PRKCE: variants seen among roughly 807,000 people sequenced by gnomAD.
PRKCE encodes protein kinase C epsilon, also known as protein kinase C epsilon type.
In PRKCE, 16 loss-of-function variants were observed where a neutral mutation model predicts 85.4. That is an observed-to-expected ratio of 0.19 (90% CI 0.13 to 0.28). The LOEUF (loss-of-function observed/expected upper bound fraction) is 0.28. Ranked by LOEUF, PRKCE falls within the 10% of genes least tolerant of loss-of-function variation. The pLI is 1.00. For missense variants in PRKCE, 573 were observed against 975.2 expected, an observed-to-expected ratio of 0.59 and a Z score of 5.49; for synonymous variants, 388 against 371.5, an observed-to-expected ratio of 1.04 and a Z score of -0.51.
At chr2:45,977,579 G>A (rs1292367145) in intron 3 of PRKCE, among the ~76,000 whole-genome samples, 1 of 151,762 alleles carries the variant, frequency 6.6e-6, no homozygotes, top group African/African-American at 2.4e-5. Flanking sequence ...GGAGGCTGCA[G>A]TGAGCCGAGA....
chr2:45,834,049 C>T (rs1474992120), intron 1 of PRKCE, among the ~76,000 whole-genome samples: 2 of 152,240 alleles, frequency 1.3e-5, no homozygotes. Flanking sequence ...TTAGCTACCT[C>T]TGTCATCAGA....
At chr2:45,779,694 CAGA>C (rs1179653980) in intron 1 of PRKCE, among the ~76,000 whole-genome samples, 2 of 151,416 alleles carry the variant, frequency 1.3e-5, no homozygotes, top group Non-Finnish European at 2.9e-5. Context: ...TACATGCTTT[CAGA>C]AGATTTTCTT....
In PRKCE at chr2:46,187,503, C is replaced by T. The variant is rs766553562; in HGVS notation, c.*2622C>T. 3.3e-5 allele frequency: 5 copies of T among 152,348 alleles called. No homozygotes were observed. The highest frequency in any genetic ancestry group is 5.9e-5 in the Non-Finnish European group (4 of 68,016). 9.4% of individuals were successfully genotyped at this position (152,348 alleles called of 1,614,324 possible). On this transcript the variant is annotated 3_prime_UTR_variant, in exon 15 of 15. Transcript: ENST00000306156. The stretch of plus-strand genomic sequence containing the variant: ...AGTTTGAAAATAGACACACTGTTAA[C>T]ACTTCTGCCAGTTTTTTCTGATCTT...
intron 1 of PRKCE, among the ~76,000 whole-genome samples, chr2:45,841,284 C>G (rs999920016): frequency 6.6e-6 from 1 of 152,308 alleles, no homozygotes; most frequent in South Asian, 2.1e-4. Context: ...CGCTGAGGAG[C>G]AAGGAAGCCA....
rs556405550 is a variant in PRKCE at position 46,055,941 on chromosome 2, G to T, written c.1438-30267G>T. Among the ~76,000 whole-genome samples, 4 of 152,320 alleles carry T rather than the reference G, an allele frequency of 2.6e-5. No individual in the cohort carries two copies. The South Asian group carries it at 8.3e-4, about 32-fold the overall frequency. On this transcript the variant is annotated intron_variant, in intron 10 of 14. Coordinates refer to ENST00000306156, the MANE Select transcript of PRKCE (RefSeq NM_005400.3). Reference sequence around the variant, plus strand: ...GCCTCCCAAAGTGCTGGGATTACAGGTGTGAGTCATAGCGCCCGGCCAGTA... The same window carrying T: ...GCCTCCCAAAGTGCTGGGATTACAGTTGTGAGTCATAGCGCCCGGCCAGTA...
intron 1 of PRKCE, among the ~76,000 whole-genome samples, chr2:45,791,478 A>T (rs1687026690): frequency 6.6e-6 from 1 of 152,174 alleles, no homozygotes; most frequent in African/African-American, 2.4e-5. Context: ...CAGGCTCAGC[A>T]TTACACTGTA....
intron 10 of PRKCE, chr2:46,078,083 C>T (rs1232262985): frequency 6.6e-6 from 1 of 152,152 alleles, no homozygotes; most frequent in Non-Finnish European, 1.5e-5. Flanking sequence ...ATGAGGATTG[C>T]TTGTTTATCT....
At chr2:45,718,959 G>A (rs10167084) in intron 1 of PRKCE, among the ~76,000 whole-genome samples, 18,219 of 152,228 alleles carry the variant, frequency 0.12, 1,168 homozygotes, top group East Asian at 0.16. Context: ...ATTTATCAGA[G>A]CCTTTAATAT....
At position 46,159,094 on chromosome 2, in the gene PRKCE, A is replaced by T. The variant is rs1677499837; in HGVS notation, c.1921-512A>T. On this transcript the variant is annotated intron_variant, in intron 13 of 14. Coordinates refer to ENST00000306156, the MANE Select transcript of PRKCE (RefSeq NM_005400.3). This position sits in a 1 kb window ranked among gnomAD's most constrained non-coding sequence, Gnocchi z 4.1. ...GGGCTGGGTCCAGGAACAGGAAAGG[A>T]GCTGGAGGAGGCATTAGTACATTTG... Among the ~76,000 whole-genome samples the T allele has an allele frequency of 1.3e-5, 2 of 152,198 alleles. No individual in the cohort carries two copies. The highest frequency in any genetic ancestry group is 4.8e-5 in the African/African-American group (2 of 41,446).
chr2:45,838,274 A>G (rs1691056759), intron 1 of PRKCE, among the ~76,000 whole-genome samples: 1 of 152,230 alleles, frequency 6.6e-6, no homozygotes, highest in Non-Finnish European at 1.5e-5. Context: ...TCAGTTGGCC[A>G]GGCAGGGCTG....
chr2:45,859,709 A>T lies in PRKCE; in HGVS notation c.412+16646A>T, dbSNP rs138004666. ...TGCAATATCTTCCCCTCATTTGTAG[A>T]TAATCTTTTCATTCTATGGTTATCT... On this transcript the variant is annotated intron_variant, in intron 2 of 14. Transcript: ENST00000306156. 1.3e-3 allele frequency among the ~76,000 whole-genome samples: 200 copies of T among 152,266 alleles called. 1 individual carries two copies. The highest frequency in any genetic ancestry group is 4.8e-3 in the Admixed American group (74 of 15,294).
In PRKCE at chr2:46,084,718, C is replaced by CA. The variant is rs11314680; in HGVS notation, c.1438-1468dup. 5.9e-3 allele frequency among the ~76,000 whole-genome samples: 548 copies of CA among 92,190 alleles called. 7 individuals carry two copies. Among genetic ancestry groups the CA allele is most frequent in the African/African-American group, 0.02 (448 of 22,892 alleles). The allele number at this position is 92,190 out of a possible 152,430, so 60.5% of individuals were successfully genotyped here. A position where few individuals can be genotyped will look rare whatever the true frequency, so the allele number is the denominator to read the frequency against. On this transcript the variant is annotated intron_variant, in intron 10 of 14. Coordinates refer to ENST00000306156, the MANE Select transcript of PRKCE (RefSeq NM_005400.3). Reference sequence around the variant, plus strand: ...GCCTAGCAACAGAGCGAGACTCCATCAAAAAAAAAAAAAAAAAAAAAAGAA... The same window carrying CA: ...GCCTAGCAACAGAGCGAGACTCCATCAAAAAAAAAAAAAAAAAAAAAAAGAA...
At position 45,897,443 on chromosome 2, in the gene PRKCE, C is replaced by G. The variant is rs192608312; in HGVS notation, c.412+54380C>G. 5.8e-3 allele frequency among the ~76,000 whole-genome samples: 876 copies of G among 152,314 alleles called. 7 individuals carry two copies. The highest frequency in any genetic ancestry group is 6.3e-3 in the Non-Finnish European group (428 of 68,026). The stretch of plus-strand genomic sequence containing the variant: ...GCCCATCTTGTTTTGTGCTAATAGA[C>G]ATACATCATCTTTATTTTTTGTTTT... On this transcript the variant is annotated intron_variant, in intron 2 of 14. Transcript: ENST00000306156.
chr2:45,918,918 T>C lies in PRKCE; in HGVS notation c.413-57511T>C, dbSNP rs185359390. On this transcript the variant is annotated intron_variant, in intron 2 of 14. Coordinates refer to ENST00000306156, the MANE Select transcript of PRKCE (RefSeq NM_005400.3). ...ACAGCTCCTTTCACCATCTAAGCTG[T>C]GTTCATTCCCCTTTGCTGTCACACA... Among the ~76,000 whole-genome samples, 46 of 152,358 alleles carry C rather than the reference T, an allele frequency of 3.0e-4. No individual in the cohort carries two copies. The East Asian group carries it at 8.1e-3, about 27-fold the overall frequency.
At chr2:46,065,354 A>G (rs1013072056) in intron 10 of PRKCE, among the ~76,000 whole-genome samples, 2 of 152,102 alleles carry the variant, frequency 1.3e-5, no homozygotes, top group Non-Finnish European at 2.9e-5. Flanking sequence ...CATAGTTTCT[A>G]ATATTCTCTT....
At chr2:46,035,656 G>A (rs566934911) in intron 10 of PRKCE, among the ~76,000 whole-genome samples, 36 of 152,326 alleles carry the variant, frequency 2.4e-4, no homozygotes, top group African/African-American at 6.7e-4. Context: ...ATATATGTGC[G>A]TGTGTATATA....
intron 2 of PRKCE, among the ~76,000 whole-genome samples, chr2:45,927,904 C>T (rs1380998700): frequency 1.3e-5 from 2 of 149,068 alleles, no homozygotes; most frequent in Non-Finnish European, 3.0e-5. Flanking sequence ...TCCTAAGTGA[C>T]TGTAGCCTTC....
At chr2:46,064,174 C>T (rs1034981816) in intron 10 of PRKCE, among the ~76,000 whole-genome samples, 4 of 150,276 alleles carry the variant, frequency 2.7e-5, no homozygotes, top group Non-Finnish European at 4.4e-5. Flanking sequence ...CCCAGCTACT[C>T]AGGAGGCTGA....
At chr2:45,737,398 T>G (rs116246049) in intron 1 of PRKCE, among the ~76,000 whole-genome samples, 3,171 of 152,300 alleles carry the variant, frequency 0.021, 104 homozygotes, top group African/African-American at 0.072. Flanking sequence ...GAACACGCTG[T>G]GCTCTTCTTC....
Sources: allele counts gnomAD v4.1 joint callset (sites outside exome capture counted in the v4.1 genomes callset), GRCh38; gene constraint gnomAD v4.1.1; non-coding constraint Gnocchi (gnomAD v3.1); transcripts MANE v1.5; gene names NCBI Gene and HGNC (gene_info 2026-07-23, HGNC 2026-07-21).